EPHB2: variants seen among roughly 807,000 people sequenced by gnomAD.
EPHB2 encodes ephrin type-B receptor 2.
In EPHB2, 18 loss-of-function variants were observed where a neutral mutation model predicts 96.4. The observed-to-expected ratio is 0.19, with a 90% CI of 0.13 to 0.28. The LOEUF (loss-of-function observed/expected upper bound fraction) is 0.28, where lower values mean the gene tolerates loss of function less well. Ranked by LOEUF, EPHB2 falls within the 10% of genes least tolerant of loss-of-function variation. The pLI, the probability that EPHB2 is intolerant of heterozygous loss-of-function variation, is 1.00. For missense variants in EPHB2, 989 were observed against 1,355.4 expected (o/e 0.73, Z 4.25); for synonymous variants, 506 against 534.1 (o/e 0.95, Z 0.72).
At chr1:22,758,248 A>G (rs1644183675) in intron 1 of EPHB2, among the ~76,000 whole-genome samples, 1 of 151,664 alleles carries the variant, frequency 6.6e-6, no homozygotes, top group Non-Finnish European at 1.5e-5. Flanking sequence ...AGGGATCCCA[A>G]AAGCTGGGGG....
chr1:22,911,165 A>AATAAATAG (rs1640090947), intron 14 of EPHB2, among the ~76,000 whole-genome samples: 2 of 151,692 alleles, frequency 1.3e-5, no homozygotes, highest in African/African-American at 4.8e-5. Flanking sequence ...TAAATAAATA[A>AATAAATAG]ATAAATAAAT....
chr1:22,779,259 C>A (rs1644494984), intron 1 of EPHB2, among the ~76,000 whole-genome samples: 1 of 152,208 alleles, frequency 6.6e-6, no homozygotes, highest in African/African-American at 2.4e-5. Context: ...AATTTGCCAT[C>A]AAAAAGATGC....
chr1:22,740,036 G>A (rs1304977034), intron 1 of EPHB2, among the ~76,000 whole-genome samples: 2 of 152,212 alleles, frequency 1.3e-5, no homozygotes, highest in Non-Finnish European at 2.9e-5. Context: ...GGGAGGCCTG[G>A]TGAGGGATTA....
intron 3 of EPHB2, among the ~76,000 whole-genome samples, chr1:22,830,363 G>A (rs924705361): frequency 6.6e-6 from 1 of 152,134 alleles, no homozygotes; most frequent in Non-Finnish European, 1.5e-5. Context: ...GAGGCCATGC[G>A]CACCAGGGAA....
chr1:22,727,783 TAA>T (rs1207658029), intron 1 of EPHB2, among the ~76,000 whole-genome samples: 2 of 124,306 alleles, frequency 1.6e-5, no homozygotes, highest in African/African-American at 3.1e-5. Flanking sequence ...TTCTTTTCTT[TAA>T]AAAAAAAAAA....
In EPHB2 at chr1:22,891,979, T is replaced by C. The variant is rs4654827; in HGVS notation, c.1429-905T>C. Among the ~76,000 whole-genome samples the C allele has an allele frequency of 6.3e-3, 950 of 151,222 alleles. 29 individuals carry two copies. Among genetic ancestry groups the C allele is most frequent in the Admixed American group, 0.049 (738 of 15,158 alleles). On this transcript the variant is annotated intron_variant, in intron 6 of 15. Transcript: ENST00000374630. ...CCAGCTAATTTTTTTTTTTTTTTTT[T>C]AGAGAAAGGGTCTTGGTATGTTGCC...
intron 5 of EPHB2, among the ~76,000 whole-genome samples, chr1:22,870,567 G>A (rs1022351086): frequency 6.6e-6 from 1 of 152,142 alleles, no homozygotes. Context: ...AGGAGGTGGT[G>A]TTTAAGCTGA....
rs368020159 is a variant in EPHB2 at position 22,755,380 on chromosome 1, T to C, written c.62-26041T>C. Among the ~76,000 whole-genome samples, 38 of 152,268 alleles carry C rather than the reference T, an allele frequency of 2.5e-4. No homozygotes were observed. In the South Asian group the frequency reaches 4.6e-3, roughly 18 times the overall value. On this transcript the variant is annotated intron_variant, in intron 1 of 15. Coordinates refer to ENST00000374630, the MANE Select transcript of EPHB2 (RefSeq NM_017449.5). ...TAAAAACAAAGACCGAAAAAACATT[T>C]TTAGATGGATGCAGGGGAGGGGATG... is the stretch of plus-strand genomic sequence containing the variant.
chr1:22,743,895 T>C (rs1384454953), intron 1 of EPHB2, among the ~76,000 whole-genome samples: 2 of 152,160 alleles, frequency 1.3e-5, no homozygotes, highest in Non-Finnish European at 2.9e-5. Context: ...TCCCACAAGC[T>C]CTAAGTCAGG....
intron 3 of EPHB2, among the ~76,000 whole-genome samples, chr1:22,793,556 C>T (rs1231820577): frequency 6.6e-6 from 1 of 152,116 alleles, no homozygotes; most frequent in African/African-American, 2.4e-5. Context: ...TATCCCCAGA[C>T]AAGGTGCAGC....
intron 5 of EPHB2, among the ~76,000 whole-genome samples, chr1:22,876,742 G>T (rs1179083691): frequency 1.3e-5 from 2 of 152,228 alleles, no homozygotes; most frequent in African/African-American, 4.8e-5. Flanking sequence ...AGCAGGAGGG[G>T]TGGGAGAGCA....
intron 1 of EPHB2, among the ~76,000 whole-genome samples, chr1:22,755,839 G>A (rs949324142): frequency 6.6e-6 from 1 of 152,086 alleles, no homozygotes; most frequent in Non-Finnish European, 1.5e-5. Context: ...TTAGTCACAG[G>A]GAAGAAAGGA....
At chr1:22,715,098 A>T (rs1322158351) in intron 1 of EPHB2, among the ~76,000 whole-genome samples, 3 of 152,228 alleles carry the variant, frequency 2.0e-5, no homozygotes, top group Admixed American at 6.5e-5. Context: ...ACGGAATGAC[A>T]TTGTCAGCTG....
At chr1:22,774,612 G>A (rs1430106341) in intron 1 of EPHB2, 8 of 985,228 alleles carry the variant, frequency 8.1e-6, no homozygotes, top group South Asian at 4.7e-5. Flanking sequence ...GGCTGGATAC[G>A]AGAGACACGG....
At chr1:22,886,910 G>C (rs539905768) in intron 6 of EPHB2, among the ~76,000 whole-genome samples, 1 of 152,062 alleles carries the variant, frequency 6.6e-6, no homozygotes, top group Non-Finnish European at 1.5e-5. Context: ...ACAGGGGTGA[G>C]CCACCGCGCC....
chr1:22,855,282 C>T (rs1431257478), intron 3 of EPHB2, among the ~76,000 whole-genome samples: 1 of 152,208 alleles, frequency 6.6e-6, no homozygotes, highest in Non-Finnish European at 1.5e-5. Flanking sequence ...TCCAGTCAAA[C>T]TCCTCTCCCC....
At chr1:22,822,962 G>T (rs776811759) in intron 3 of EPHB2, among the ~76,000 whole-genome samples, 2 of 152,210 alleles carry the variant, frequency 1.3e-5, no homozygotes, top group Non-Finnish European at 2.9e-5. Context: ...AGACAGTTTG[G>T]CTGTGGTTCG....
At chr1:22,724,679 C>T (rs567960408) in intron 1 of EPHB2, among the ~76,000 whole-genome samples, 56 of 152,276 alleles carry the variant, frequency 3.7e-4, no homozygotes, top group African/African-American at 1.3e-3. Flanking sequence ...GGGTTTAACC[C>T]TATTGTAGCC....
At chr1:22,751,216 C>T (rs1644057580) in intron 1 of EPHB2, among the ~76,000 whole-genome samples, 1 of 152,202 alleles carries the variant, frequency 6.6e-6, no homozygotes, top group Non-Finnish European at 1.5e-5. Context: ...TGGGACCTAG[C>T]AGAGGTCACA....
Sources: allele counts gnomAD v4.1 joint callset (sites outside exome capture counted in the v4.1 genomes callset), GRCh38; gene constraint gnomAD v4.1.1; transcripts MANE v1.5; gene names NCBI Gene and HGNC (gene_info 2026-07-23, HGNC 2026-07-21).